ASH1L: variants seen among roughly 807,000 people sequenced by gnomAD.
ASH1L encodes the protein histone-lysine N-methyltransferase ASH1L.
In ASH1L, 23 loss-of-function variants were observed where a neutral mutation model predicts 269.0. The observed-to-expected ratio is 0.09, with a 90% CI of 0.06 to 0.12. The LOEUF is 0.12. Ranked by LOEUF, ASH1L falls within the 10% of genes least tolerant of loss-of-function variation. The pLI is 1.00. For synonymous variants in ASH1L, 1,187 were observed against 1,253.5 expected, an observed-to-expected ratio of 0.95 and a Z score of 1.12; for missense variants, 2,912 against 3,567.8, an observed-to-expected ratio of 0.82 and a Z score of 4.68.
At chr1:155,365,696 T>G (rs1228848697) in intron 12 of ASH1L, among the ~76,000 whole-genome samples, 1 of 152,174 alleles carries the variant, frequency 6.6e-6, no homozygotes, top group African/African-American at 2.4e-5. Context: ...GGAACCAAAC[T>G]TGGCTTAGAG....
intron 22 of ASH1L, 112 bp downstream of exon 22, chr1:155,344,071 C>G: frequency 1.1e-6 from 1 of 901,110 alleles, no homozygotes; most frequent in Non-Finnish European, 1.7e-6. Context: ...AACTTATATT[C>G]TATTGCTATT....
intron 10 of ASH1L, among the ~76,000 whole-genome samples, chr1:155,375,115 G>A (rs933520284): frequency 6.6e-6 from 1 of 151,850 alleles, no homozygotes; most frequent in African/African-American, 2.4e-5. Flanking sequence ...TGCTTGGCTG[G>A]CACCAAGTAT....
At chr1:155,548,338 A>G (rs796972360) in intron 1 of ASH1L, among the ~76,000 whole-genome samples, 4 of 152,162 alleles carry the variant, frequency 2.6e-5, no homozygotes, top group African/African-American at 9.7e-5. Flanking sequence ...CCTGACCAAC[A>G]CGGTAAAACC....
intron 2 of ASH1L, among the ~76,000 whole-genome samples, chr1:155,489,799 TAAATAAA>T (rs1666631270): frequency 5.7e-5 from 7 of 122,742 alleles, no homozygotes; most frequent in Non-Finnish European, 9.6e-5. Context: ...TGTCTCAAAA[TAAATAAA>T]TAAATAAATA....
chr1:155,473,779 C>T (rs921646698), intron 3 of ASH1L, among the ~76,000 whole-genome samples: 3 of 152,144 alleles, frequency 2.0e-5, no homozygotes, highest in Admixed American at 2.0e-4. Flanking sequence ...AGATTACAGG[C>T]ATTAGCCACC....
chr1:155,473,788 C>T (rs935116495), intron 3 of ASH1L, among the ~76,000 whole-genome samples: 7 of 152,118 alleles, frequency 4.6e-5, no homozygotes, highest in African/African-American at 1.7e-4. Context: ...GCATTAGCCA[C>T]CATTCCCAGC....
intron 5 of ASH1L, among the ~76,000 whole-genome samples, chr1:155,423,840 C>T (rs572218627): frequency 6.6e-6 from 1 of 152,298 alleles, no homozygotes; most frequent in African/African-American, 2.4e-5. Flanking sequence ...AGCAATTAAC[C>T]TGCCTCAGCC....
At chr1:155,339,265 T>A in intron 26 of ASH1L, 63 bp downstream of exon 26, 1 of 1,497,452 alleles carries the variant, frequency 6.7e-7, no homozygotes. Flanking sequence ...TTGTTTGTTT[T>A]CTTGATCCAT....
intron 1 of ASH1L, among the ~76,000 whole-genome samples, chr1:155,538,354 GTT>G (rs1157513079): frequency 7.7e-6 from 1 of 129,570 alleles, no homozygotes; most frequent in Non-Finnish European, 1.7e-5. Context: ...TTTTTTGTTT[GTT>G]TGTTTGTTTG....
intron 1 of ASH1L, among the ~76,000 whole-genome samples, chr1:155,543,914 T>C (rs1451937229): frequency 6.6e-6 from 1 of 152,130 alleles, no homozygotes; most frequent in Non-Finnish European, 1.5e-5. Flanking sequence ...CACTCCAGCC[T>C]AGGCGAAAGA....
chr1:155,430,255 T>C (rs1314021294), intron 5 of ASH1L, among the ~76,000 whole-genome samples: 1 of 152,072 alleles, frequency 6.6e-6, no homozygotes, highest in Admixed American at 6.6e-5. Context: ...GGACTACAGG[T>C]GTGAGCCACC....
At chr1:155,426,875 G>A (rs1661199543) in intron 5 of ASH1L, among the ~76,000 whole-genome samples, 1 of 152,140 alleles carries the variant, frequency 6.6e-6, no homozygotes, top group Non-Finnish European at 1.5e-5. Flanking sequence ...TCAACTGGGA[G>A]TTGATTTTTT....
At chr1:155,485,711 C>G (rs1370113129) in intron 2 of ASH1L, among the ~76,000 whole-genome samples, 1 of 152,096 alleles carries the variant, frequency 6.6e-6, no homozygotes, top group East Asian at 1.9e-4. Context: ...GTCTATCTAC[C>G]TCTCTATCCA....
intron 5 of ASH1L, among the ~76,000 whole-genome samples, chr1:155,422,688 G>A (rs1170444808): frequency 6.2e-5 from 9 of 146,240 alleles, no homozygotes; most frequent in African/African-American, 2.0e-4. Context: ...TTACTCTGCC[G>A]CTGAGGCTGG....
intron 12 of ASH1L, among the ~76,000 whole-genome samples, chr1:155,362,181 C>T (rs1655022285): frequency 6.6e-6 from 1 of 151,892 alleles, no homozygotes; most frequent in South Asian, 2.1e-4. Flanking sequence ...AATATAGGCA[C>T]GTGCCACCAC....
intron 12 of ASH1L, among the ~76,000 whole-genome samples, chr1:155,366,870 GTCA>G (rs1225718636): frequency 6.6e-6 from 1 of 151,766 alleles, no homozygotes; most frequent in Non-Finnish European, 1.5e-5. Context: ...CAGGGTTTCA[GTCA>G]TCATGTTGGC....
rs1467272303 is a variant in ASH1L, at chr1:155,481,250, T to C, written c.1620A>G (p.Val540=). Residue 540 remains valine (V), a synonymous_variant, in exon 3 of 28, where the codon GTA becomes GTG. Transcript: ENST00000392403. The part of the protein sequence containing the change: ...PDFKMGGASD[V]STAKSPFSAV... Reference sequence around the variant, plus strand: ...CACTGAATGGGGATTTAGCGGTAGATACATCAGAAGCACCTCCCATTTTAA... The same window carrying C: ...CACTGAATGGGGATTTAGCGGTAGACACATCAGAAGCACCTCCCATTTTAA... 1.2e-6 allele frequency: 2 copies of C among 1,614,126 alleles called. No individual in the cohort carries two copies. The highest frequency in any genetic ancestry group is 1.1e-5 in the South Asian group (1 of 91,070).
In ASH1L at chr1:155,480,162, A is replaced by G; in HGVS notation, c.2708T>C (p.Met903Thr). The change falls in exon 3 of 28, where the codon ATG becomes ACG. Residue 903 changes from methionine (M) to threonine (T), a missense_variant. Physicochemically the swap from Met to Thr is moderately conservative, Grantham distance 81 (BLOSUM62 -1). Transcript: ENST00000392403. ...PKRQMRSPVK[M>T]KPPVLSVAPF... ...AGCCACTGACAGTACAGGTGGCTTCATCTTGACTGGTGACCTCATTTGCCT... is the reference window on the plus strand; with the variant it reads ...AGCCACTGACAGTACAGGTGGCTTCGTCTTGACTGGTGACCTCATTTGCCT... The G allele has an allele frequency of 6.2e-7, 1 of 1,614,146 alleles. No individual in the cohort carries two copies. Among genetic ancestry groups the G allele is most frequent in the Non-Finnish European group, 8.5e-7 (1 of 1,180,000 alleles).
chr1:155,521,667 G>A (rs541724045), intron 1 of ASH1L, 49 bp from the exon 2 acceptor site: 407 of 684,848 alleles, frequency 5.9e-4, no homozygotes, highest in Admixed American at 2.6e-3. Flanking sequence ...GGCAACTACT[G>A]ATTAACATAA....
Sources: gnomAD v4.1 joint callset for allele counts (sites outside exome capture counted in the v4.1 genomes callset) on GRCh38, gnomAD v4.1.1 for gene constraint, MANE v1.5 for transcripts, NCBI Gene and HGNC (gene_info 2026-07-23, HGNC 2026-07-21) for gene names.